The following CCDC187 variants were observed in gnomAD, a reference collection of about 807,000 sequenced individuals.
CCDC187 encodes the protein coiled-coil domain containing 187, also known as coiled-coil domain-containing protein 187.
A neutral mutation model predicts 38.0 loss-of-function variants in CCDC187; 32 were observed. The ratio of observed to expected loss-of-function variants is 0.84; its 90% CI spans 0.64 to 1.13. The LOEUF is 1.13. CCDC187 is among the 50% of genes most tolerant of loss of function. The probability of loss-of-function intolerance (pLI) is 0.00; values close to 1 mark genes in which losing one functional copy is unlikely to be tolerated. For synonymous variants in CCDC187, 333 were observed against 347.9 expected (o/e 0.96, Z 0.48); for missense variants, 707 against 786.8 (o/e 0.90, Z 1.21).
upstream of CCDC187, among the ~76,000 whole-genome samples, chr9:136,305,826 G>A (rs1281834465): frequency 1.3e-5 from 2 of 152,202 alleles, no homozygotes; most frequent in South Asian, 2.1e-4. Flanking sequence ...CCCCACCACC[G>A]GCTTCCTTCC....
Position 136,303,158 on chromosome 9 carries a change from CT to C in CCDC187, c.278del (p.Lys93ArgfsTer63). 2.5e-6 allele frequency: 1 copy of C among 398,686 alleles called. No individual in the cohort carries two copies. Among genetic ancestry groups the C allele is most frequent in the Non-Finnish European group, 4.4e-6 (1 of 226,100 alleles). 24.7% of individuals were successfully genotyped at this position (398,686 alleles called of 1,614,324 possible). A position where few individuals can be genotyped will look rare whatever the true frequency, so the allele number is the denominator to read the frequency against. On this transcript the variant is annotated frameshift_variant, in exon 2 of 26. Transcript: ENST00000638797. LOFTEE classifies it high-confidence loss of function. Reference sequence around the variant, plus strand: ...TGGACCACATGGGCAGGCTGCACGCCTTCCCCCAGGGTCCTGGTTCCTTGAG... The same window carrying C: ...TGGACCACATGGGCAGGCTGCACGCCTCCCCCAGGGTCCTGGTTCCTTGAG... ...DDLKEPGPWGKACSLPMWSTG... is the reference protein window; with the variant it reads ...DDLKEPGPWGXACSLPMWSTG...
chr9:136,288,331 A>C (rs1344820101), intron 7 of CCDC187, among the ~76,000 whole-genome samples: 1 of 151,272 alleles, frequency 6.6e-6, no homozygotes, highest in Non-Finnish European at 1.5e-5. Flanking sequence ...AGCCAGAGGG[A>C]GGGGTCGGGT....
chr9:136,265,416 C>T (rs914730901), intron 17 of CCDC187, among the ~76,000 whole-genome samples: 1 of 152,220 alleles, frequency 6.6e-6, no homozygotes, highest in East Asian at 1.9e-4. Flanking sequence ...CACCACCCTC[C>T]CAGCCCCCAT....
chr9:136,268,593 G>A (rs1314041008), intron 14 of CCDC187, among the ~76,000 whole-genome samples: 1 of 152,164 alleles, frequency 6.6e-6, no homozygotes, highest in Non-Finnish European at 1.5e-5. Context: ...TACTTCAAGC[G>A]ATCCTTAAGG....
chr9:136,254,558 G>T lies in CCDC187; in HGVS notation c.5270C>A (p.Ala1757Asp), dbSNP rs1458472875. The change falls in exon 26 of 26, where the codon GCC (alanine) becomes GAC (aspartate). Residue 1757 changes from alanine (A) to aspartate (D), a missense_variant. By Grantham distance (126) the Ala-to-Asp change is moderately radical (BLOSUM62 -2). Transcript: ENST00000638797. ...SPRSGSELSE[A>D]SSKVWEEDCE... ...GTCCTCCTCCCAAACTTTGCTGGAG[G>T]CCTCTGACAGCTCTGACCCTGACCT... The T allele has an allele frequency of 2.0e-6, 2 of 985,522 alleles. No homozygotes were observed. Among genetic ancestry groups the T allele is most frequent in the East Asian group, 1.1e-4 (1 of 8,812 alleles). 61.0% of individuals were successfully genotyped at this position (985,522 alleles called of 1,614,324 possible).
intron 4 of CCDC187, among the ~76,000 whole-genome samples, chr9:136,293,262 C>A (rs1831395676): frequency 6.6e-6 from 1 of 150,958 alleles, no homozygotes; most frequent in African/African-American, 2.4e-5. Flanking sequence ...TACACACTCA[C>A]TCATGCTTTC....
intron 7 of CCDC187, among the ~76,000 whole-genome samples, chr9:136,287,683 G>C (rs1326904032): frequency 6.6e-6 from 1 of 152,162 alleles, no homozygotes; most frequent in Non-Finnish European, 1.5e-5. Flanking sequence ...GCAAGACTGA[G>C]ACCAAACCCC....
chr9:136,267,750 C>T (rs116463833), intron 15 of CCDC187: 1 of 893,002 alleles, frequency 1.1e-6, no homozygotes, highest in Non-Finnish European at 1.3e-6. Flanking sequence ...GGCCTCACCA[C>T]CAGCCCTGAT....
rs567366132 is a variant in CCDC187, at chr9:136,251,122, A to T, written c.*2472T>A. The stretch of plus-strand genomic sequence containing the variant: ...ACAGGAGAAGCCACATCCTGGAAGG[A>T]TCAGTGCTGGGACACAGATGTCCCT... On this transcript the variant is annotated 3_prime_UTR_variant, in exon 26 of 26. Transcript: ENST00000638797. 92 of 441,880 alleles carry T rather than the reference A, an allele frequency of 2.1e-4. 1 individual carries two copies. The highest frequency in any genetic ancestry group is 1.4e-3 in the South Asian group (87 of 64,152). 27.4% of individuals were successfully genotyped at this position (441,880 alleles called of 1,614,324 possible). A position where few individuals can be genotyped will look rare whatever the true frequency, so the allele number is the denominator to read the frequency against.
rs1831325317 is a variant in CCDC187, at chr9:136,291,395, C to T, written c.1218G>A (p.Gln406=). 1 of 399,094 alleles carries T rather than the reference C, an allele frequency of 2.5e-6. No homozygotes were observed. The highest frequency in any genetic ancestry group is 4.4e-6 in the Non-Finnish European group (1 of 226,390). 24.7% of individuals were successfully genotyped at this position (399,094 alleles called of 1,614,324 possible). The change falls in exon 6 of 26, where the codon CAG becomes CAA. Residue 406 remains glutamine, a synonymous_variant. Coordinates refer to ENST00000638797, the MANE Select transcript of CCDC187 (RefSeq NM_001378188.1). ...QELGPSKRRL[Q]DVAGRGCCRD... ...TGCAGCAGCCCCTCCCTGCCACGTC[C>T]TGCAGCCTCCGCTTTGATGGCCCGA...
intron 3 of CCDC187, among the ~76,000 whole-genome samples, chr9:136,299,245 G>A (rs1463977921): frequency 2.6e-5 from 4 of 152,158 alleles, no homozygotes; most frequent in African/African-American, 9.7e-5. Flanking sequence ...CGAGGGGCCA[G>A]CCCTGGACCC....
At chr9:136,300,650 T>A (rs1230952860) in intron 2 of CCDC187, among the ~76,000 whole-genome samples, 135,014 of 151,272 alleles carry the variant, frequency 0.89, 60,352 homozygotes, top group East Asian at 0.95. Flanking sequence ...CAGGCTGGAG[T>A]GCCATGGTGT....
At position 136,258,695 on chromosome 9, in the gene CCDC187, A is replaced by G; in HGVS notation, c.4366+237T>C. On this transcript the variant is annotated intron_variant, in intron 22 of 25. Coordinates refer to ENST00000638797, the MANE Select transcript of CCDC187 (RefSeq NM_001378188.1). The surrounding 1 kb of genome is among the most constrained non-coding windows in gnomAD (Gnocchi z 4.3). ...AGTTGCGACTAAAACAATCCCAGCC[A>G]GTTATGACTTTTAATTTCTCCAGAA... 6 of 985,428 alleles carry G rather than the reference A, an allele frequency of 6.1e-6. No individual in the cohort carries two copies. Among genetic ancestry groups the G allele is most frequent in the Non-Finnish European group, 7.2e-6 (6 of 829,900 alleles). The allele number at this position is 985,428 out of a possible 1,614,324, so 61.0% of individuals were successfully genotyped here.
intron 18 of CCDC187, 39 bp downstream of exon 18, chr9:136,263,582 AT>A: frequency 1.0e-6 from 1 of 984,794 alleles, no homozygotes; most frequent in Non-Finnish European, 1.2e-6. Context: ...AGGGGACAGC[AT>A]TTCTGCAGCT....
At position 136,258,392 on chromosome 9, in the gene CCDC187, C is replaced by T. The variant is rs1184127515; in HGVS notation, c.4366+540G>A. 6.6e-6 allele frequency among the ~76,000 whole-genome samples: 1 copy of T among 152,172 alleles called. No homozygotes were observed. Among genetic ancestry groups the T allele is most frequent in the Non-Finnish European group, 1.5e-5 (1 of 68,014 alleles). ...GTGGGGGCCTTCTGAATTCGGCACC[C>T]AGGGCTGGTCAGGGAGCTCCGAGGT... On this transcript the variant is annotated intron_variant, in intron 22 of 25. Coordinates refer to ENST00000638797, the MANE Select transcript of CCDC187 (RefSeq NM_001378188.1). The surrounding 1 kb of genome is among the most constrained non-coding windows in gnomAD (Gnocchi z 4.3).
At chr9:136,281,493 T>G in intron 10 of CCDC187, 58 bp downstream of exon 10, 1 of 398,572 alleles carries the variant, frequency 2.5e-6, no homozygotes, top group Non-Finnish European at 4.4e-6. Context: ...GTGTTCTCGG[T>G]GGATGCCCCG....
chr9:136,259,440 C>T lies in CCDC187; in HGVS notation c.4219G>A (p.Glu1407Lys). 1 of 985,498 alleles carries T rather than the reference C, an allele frequency of 1.0e-6. No homozygotes were observed. Among genetic ancestry groups the T allele is most frequent in the Non-Finnish European group, 1.2e-6 (1 of 830,124 alleles). The allele number at this position is 985,498 out of a possible 1,614,324, so 61.0% of individuals were successfully genotyped here. ...CCCAGCAGAGGGGCCCGAGGCTGCT[C>T]CCCAGGCTCTGAAAGACACAATCCC... ...SGSHVSQEPG[E>K]QPRAPLLGLQ... Residue 1407 changes from glutamate to lysine, a missense_variant, in exon 21 of 26, where the codon GAG becomes AAG. Glu to Lys is a moderately conservative substitution (Grantham distance 56). Transcript: ENST00000638797.
chr9:136,297,443 G>A (rs1293895058), intron 4 of CCDC187, among the ~76,000 whole-genome samples: 1 of 152,120 alleles, frequency 6.6e-6, no homozygotes, highest in Non-Finnish European at 1.5e-5. Flanking sequence ...GGTGTTTGGT[G>A]GACTTTCACT....
intron 3 of CCDC187, among the ~76,000 whole-genome samples, chr9:136,298,899 G>A (rs1408265072): frequency 2.0e-5 from 3 of 152,214 alleles, no homozygotes; most frequent in African/African-American, 7.2e-5. Flanking sequence ...TGTGCTCAGC[G>A]CCACTGAACT....
Sources: allele counts gnomAD v4.1 joint callset (sites outside exome capture counted in the v4.1 genomes callset), GRCh38; gene constraint gnomAD v4.1.1; non-coding constraint Gnocchi (gnomAD v3.1); transcripts MANE v1.5; gene names NCBI Gene and HGNC (gene_info 2026-07-23, HGNC 2026-07-21).